RBPJ: variants seen among roughly 807,000 people sequenced by gnomAD.
The protein encoded by RBPJ is recombining binding protein suppressor of hairless.
Under a neutral mutation model 67.8 loss-of-function variants are expected in RBPJ, and 9 were observed. The ratio of observed to expected loss-of-function variants is 0.13; its 90% confidence interval spans 0.08 to 0.23. RBPJ has a LOEUF of 0.23. Among genes scored for constraint, RBPJ ranks in the 10% least tolerant of loss-of-function variants. RBPJ has a pLI of 1.00. For missense variants in RBPJ, 305 were observed against 595.6 expected (o/e 0.51, Z 5.08); for synonymous variants, 198 against 203.3 (o/e 0.97, Z 0.22).
intron 1 of RBPJ, among the ~76,000 whole-genome samples, chr4:26,380,392 A>G (rs1203251447): frequency 1.3e-5 from 2 of 152,110 alleles, no homozygotes; most frequent in African/African-American, 4.8e-5. Context: ...TTGTCCCCCT[A>G]CTAGAGGTGC....
intron 1 of RBPJ, among the ~76,000 whole-genome samples, chr4:26,356,532 CT>C (rs764118381): frequency 4.6e-5 from 7 of 152,168 alleles, no homozygotes; most frequent in Non-Finnish European, 4.4e-5. Flanking sequence ...TCTTTGTGTA[CT>C]TAAAAATACA....
intron 4 of RBPJ, among the ~76,000 whole-genome samples, chr4:26,419,268 C>T (rs918870205): frequency 6.6e-6 from 1 of 152,180 alleles, no homozygotes; most frequent in African/African-American, 2.4e-5. Context: ...CATGAGCCAC[C>T]ACCCTGGCCT....
At chr4:26,311,115 C>T (rs532202168) in intron 1 of RBPJ, among the ~76,000 whole-genome samples, 2 of 152,260 alleles carry the variant, frequency 1.3e-5, no homozygotes, top group African/African-American at 4.8e-5. Context: ...GTACTTGAAA[C>T]AGTAATACTT....
At chr4:26,230,647 A>G (rs551946187) in intron 1 of RBPJ, among the ~76,000 whole-genome samples, 33 of 152,336 alleles carry the variant, frequency 2.2e-4, no homozygotes, top group Non-Finnish European at 3.5e-4. Context: ...CTTGTGTTAT[A>G]TAGATTTCTT....
At chr4:26,329,605 A>G (rs1322805669) in intron 1 of RBPJ, among the ~76,000 whole-genome samples, 2 of 152,258 alleles carry the variant, frequency 1.3e-5, no homozygotes, top group African/African-American at 2.4e-5. Context: ...GAAAATGCCT[A>G]CTGGGCCGGC....
At chr4:26,151,371 G>C in the RBPJ span, among the ~76,000 whole-genome samples, 1 of 152,196 alleles carries the variant, frequency 6.6e-6, no homozygotes, top group Non-Finnish European at 1.5e-5. Context: ...AGATCTCCAA[G>C]AAATGGGAAT....
At position 26,430,160 on chromosome 4, in the gene RBPJ, G is replaced by C; in HGVS notation, c.1044+107G>C. ...AGTTTTGATTTTTCTCCAATCGTCTGATTAGGGGATTTTTATATACACCAT... is the reference window on the plus strand; with the variant it reads ...AGTTTTGATTTTTCTCCAATCGTCTCATTAGGGGATTTTTATATACACCAT... On this transcript the variant is annotated intron_variant, in intron 9 of 10. Coordinates refer to ENST00000355476, the MANE Select transcript of RBPJ (RefSeq NM_015874.6). The surrounding 1 kb of genome is among the most constrained non-coding windows in gnomAD (Gnocchi z 4.1). 7.7e-7 allele frequency: 1 copy of C among 1,302,458 alleles called. No homozygotes were observed. The highest frequency in any genetic ancestry group is 1.1e-6 in the Non-Finnish European group (1 of 908,572). 80.7% of individuals were successfully genotyped at this position (1,302,458 alleles called of 1,614,324 possible).
At chr4:26,256,308 T>A (rs1720344341) in intron 1 of RBPJ, among the ~76,000 whole-genome samples, 1 of 152,002 alleles carries the variant, frequency 6.6e-6, no homozygotes. Context: ...AAAAAAAGAT[T>A]TTTGACTAGC....
intron 1 of RBPJ, among the ~76,000 whole-genome samples, chr4:26,279,031 T>C (rs1721171523): frequency 6.6e-6 from 1 of 152,156 alleles, no homozygotes; most frequent in Non-Finnish European, 1.5e-5. Flanking sequence ...GTGGAGAAAA[T>C]AACAGTAGCT....
chr4:26,208,765 T>G (rs1297230351), intron 1 of RBPJ, among the ~76,000 whole-genome samples: 1 of 152,174 alleles, frequency 6.6e-6, no homozygotes, highest in Admixed American at 6.5e-5. Context: ...AAATAGACAT[T>G]GCTCTGTACT....
In RBPJ at chr4:26,424,194, C is replaced by T; in HGVS notation, c.497-148C>T. The T allele has an allele frequency of 1.5e-6, 1 of 661,670 alleles. No homozygotes were observed. 41.0% of individuals were successfully genotyped at this position (661,670 alleles called of 1,614,324 possible). The stretch of plus-strand genomic sequence containing the variant: ...AGTTACCTTGACTTTTTGATATCAT[C>T]TGTACTGTCTTGGAAAGTGAAAATA... On this transcript the variant is annotated intron_variant, in intron 5 of 10. Transcript: ENST00000355476. The surrounding 1 kb of genome is among the most constrained non-coding windows in gnomAD (Gnocchi z 5.3).
chr4:26,397,423 A>T (rs868288618), intron 2 of RBPJ, among the ~76,000 whole-genome samples: 10 of 152,216 alleles, frequency 6.6e-5, no homozygotes, highest in African/African-American at 1.4e-4. Flanking sequence ...AGAATTTTAT[A>T]AAAAAATTCT....
chr4:26,316,638 A>ATATATATACACATATTGATT (rs1722647394), upstream of RBPJ, among the ~76,000 whole-genome samples: 1 of 142,760 alleles, frequency 7.0e-6, no homozygotes, highest in African/African-American at 2.6e-5. Flanking sequence ...ACATATTGAT[A>ATATATATACACATATTGATT]TATATATACA....
chr4:26,121,807 G>C, the RBPJ span, among the ~76,000 whole-genome samples: 2 of 150,566 alleles, frequency 1.3e-5, no homozygotes, highest in African/African-American at 4.9e-5. Context: ...TAAATGTTAC[G>C]TCACACACCC....
chr4:26,221,206 T>G (rs1348989539), intron 1 of RBPJ, among the ~76,000 whole-genome samples: 1 of 152,192 alleles, frequency 6.6e-6, no homozygotes, highest in Non-Finnish European at 1.5e-5. Flanking sequence ...TTCTCCTGCC[T>G]CAGCCTCCCA....
intron 2 of RBPJ, among the ~76,000 whole-genome samples, chr4:26,390,796 T>C (rs1731418864): frequency 6.6e-6 from 1 of 152,250 alleles, no homozygotes; most frequent in African/African-American, 2.4e-5. Flanking sequence ...GGTTCACACC[T>C]ATAATCCCAG....
In RBPJ at chr4:26,366,272, G is replaced by GT. The variant is rs537123590; in HGVS notation, c.21-20072dup. ...TAAGACAAATATTACCAGATCAGTA[G>GT]TTTTTTTTTGTTTTGTTTTGTTTTG... On this transcript the variant is annotated intron_variant, in intron 1 of 10. Transcript: ENST00000355476. Among the ~76,000 whole-genome samples, 757 of 150,160 alleles carry GT rather than the reference G, an allele frequency of 5.0e-3. 6 individuals are homozygous for GT. The highest frequency in any genetic ancestry group is 0.016 in the African/African-American group (662 of 40,930).
At chr4:26,199,904 C>A (rs528073649) in intron 1 of RBPJ, among the ~76,000 whole-genome samples, 2 of 152,162 alleles carry the variant, frequency 1.3e-5, no homozygotes, top group African/African-American at 4.8e-5. Context: ...CTGGCCAGAA[C>A]CGTTCAGTCG....
In RBPJ at chr4:26,381,087, GT is replaced by G. The variant is rs113920618; in HGVS notation, c.21-5255del. ...TCTGTATTCAAGAAAGTTTTTTCTT[GT>G]TTTTTTTTTTCCTTCTTTTTGTGAT... is the stretch of plus-strand genomic sequence containing the variant. On this transcript the variant is annotated intron_variant, in intron 1 of 10. Transcript: ENST00000355476. Among the ~76,000 whole-genome samples the G allele has an allele frequency of 5.3e-3, 687 of 129,732 alleles. 7 individuals are homozygous for G. The highest frequency in any genetic ancestry group is 0.018 in the African/African-American group (612 of 34,908). 85.1% of individuals were successfully genotyped at this position (129,732 alleles called of 152,430 possible). A position where few individuals can be genotyped will look rare whatever the true frequency, so the allele number is the denominator to read the frequency against.
Sources: allele counts gnomAD v4.1 joint callset (sites outside exome capture counted in the v4.1 genomes callset), GRCh38; gene constraint gnomAD v4.1.1; non-coding constraint Gnocchi (gnomAD v3.1); transcripts MANE v1.5; gene names NCBI Gene and HGNC (gene_info 2026-07-23, HGNC 2026-07-21).